SIPA1L1: variants seen among roughly 807,000 people sequenced by gnomAD.
SIPA1L1 encodes signal-induced proliferation-associated 1-like protein 1.
A neutral mutation model predicts 162.7 loss-of-function variants in SIPA1L1; 26 were observed. The ratio of observed to expected loss-of-function variants is 0.16; its 90% CI spans 0.12 to 0.22. The LOEUF (loss-of-function observed/expected upper bound fraction) is 0.22, where lower values mean the gene tolerates loss of function less well. Ranked by LOEUF, SIPA1L1 falls within the 10% of genes least tolerant of loss-of-function variation. The pLI is 1.00. For synonymous variants in SIPA1L1, 829 were observed against 837.4 expected (o/e 0.99, Z 0.17); for missense variants, 1,874 against 2,241.0 (o/e 0.84, Z 3.31).
At chr14:71,407,222 G>C (rs761793249) in intron 2 of SIPA1L1, among the ~76,000 whole-genome samples, 1 of 152,134 alleles carries the variant, frequency 6.6e-6, no homozygotes. Context: ...TCCTCACCTT[G>C]TACGATTGTG....
intron 6 of SIPA1L1, among the ~76,000 whole-genome samples, chr14:71,623,034 T>C (rs1021805918): frequency 1.7e-4 from 26 of 152,380 alleles, no homozygotes; most frequent in Non-Finnish European, 3.7e-4. Context: ...CTCTATTTCA[T>C]GGCCATTTCC....
chr14:71,379,069 A>G (rs993627209), intron 2 of SIPA1L1, among the ~76,000 whole-genome samples: 1 of 152,104 alleles, frequency 6.6e-6, no homozygotes, highest in Non-Finnish European at 1.5e-5. Context: ...TGTATCATGA[A>G]TAGATTGCTT....
chr14:71,440,122 T>A (rs2044717200), intron 2 of SIPA1L1, among the ~76,000 whole-genome samples: 1 of 152,102 alleles, frequency 6.6e-6, no homozygotes, highest in African/African-American at 2.4e-5. Flanking sequence ...GCCTCCCAGG[T>A]TGAAGCAATT....
intron 2 of SIPA1L1, among the ~76,000 whole-genome samples, chr14:71,477,690 T>G (rs1404850415): frequency 1.3e-5 from 2 of 152,176 alleles, no homozygotes; most frequent in African/African-American, 2.4e-5. Flanking sequence ...GATACTTGGT[T>G]CCTTTTAATA....
At position 71,650,407 on chromosome 14, in the gene SIPA1L1, A is replaced by G; in HGVS notation, c.1891A>G (p.Asn631Asp). Residue 631 changes from asparagine (N) to aspartate (D), a missense_variant, in exon 8 of 24, where the codon AAT becomes GAT. Around this residue, in one of 5 missense-constraint regions of SIPA1L1, gnomAD observed 685 missense variants for 828.0 expected, o/e 0.83. Coordinates refer to ENST00000381232, the MANE Select transcript of SIPA1L1 (RefSeq NM_001386936.1). ...GQSTEEEMYNNESAGPAFEEF... is the reference protein window; with the variant it reads ...GQSTEEEMYNDESAGPAFEEF... ...GAGCACTGAAGAAGAGATGTACAAC[A>G]ATGAGTCAGCTGGCCCAGCCTTTGA... is the stretch of plus-strand genomic sequence containing the variant. 1 of 1,614,202 alleles carries G rather than the reference A, an allele frequency of 6.2e-7. No homozygotes were observed. Among genetic ancestry groups the G allele is most frequent in the Non-Finnish European group, 8.5e-7 (1 of 1,179,998 alleles).
chr14:71,396,470 T>C (rs1325798979), intron 2 of SIPA1L1, among the ~76,000 whole-genome samples: 2 of 152,202 alleles, frequency 1.3e-5, no homozygotes, highest in East Asian at 3.8e-4. Context: ...TGTTTGTTCA[T>C]TTACCCTTGT....
intron 13 of SIPA1L1, among the ~76,000 whole-genome samples, chr14:71,696,233 G>A (rs1255002163): frequency 1.3e-5 from 2 of 152,170 alleles, no homozygotes; most frequent in African/African-American, 4.8e-5. Context: ...GATTGATGAT[G>A]ATAACAGGAA....
chr14:71,332,855 C>G (rs1218684267), intron 2 of SIPA1L1, among the ~76,000 whole-genome samples: 2 of 152,022 alleles, frequency 1.3e-5, no homozygotes, highest in East Asian at 3.9e-4. Context: ...TCTTTAAGAC[C>G]TACTGTAAAA....
At chr14:71,619,068 C>T (rs548839366) in intron 6 of SIPA1L1, among the ~76,000 whole-genome samples, 181 bp downstream of exon 6, 2 of 151,896 alleles carry the variant, frequency 1.3e-5, no homozygotes, top group Non-Finnish European at 2.9e-5. Flanking sequence ...ATCTGGACCT[C>T]TTCTTTTCAT....
chr14:71,530,708 C>T (rs188781979), intron 4 of SIPA1L1, among the ~76,000 whole-genome samples: 6 of 152,320 alleles, frequency 3.9e-5, no homozygotes, highest in East Asian at 1.9e-4. Flanking sequence ...ATATTTCTCT[C>T]TAACAGCAGT....
At chr14:71,692,130 C>A (rs1394892027) in intron 13 of SIPA1L1, among the ~76,000 whole-genome samples, 1 of 152,210 alleles carries the variant, frequency 6.6e-6, no homozygotes, top group Admixed American at 6.5e-5. Context: ...AACAAAAGGG[C>A]TTATTTAAGT....
chr14:71,697,216 T>C (rs536614913), intron 13 of SIPA1L1, among the ~76,000 whole-genome samples: 2 of 152,210 alleles, frequency 1.3e-5, no homozygotes, highest in African/African-American at 4.8e-5. Flanking sequence ...GTCGGGACAC[T>C]TGGACTGACC....
intron 20 of SIPA1L1, among the ~76,000 whole-genome samples, chr14:71,731,979 G>A (rs1300331397): frequency 6.6e-6 from 1 of 152,202 alleles, no homozygotes; most frequent in Non-Finnish European, 1.5e-5. Context: ...TCCCCCACAT[G>A]GAAATTCGGG....
intron 2 of SIPA1L1, among the ~76,000 whole-genome samples, chr14:71,451,480 T>G (rs1411892540): frequency 6.6e-6 from 1 of 151,032 alleles, no homozygotes; most frequent in Non-Finnish European, 1.5e-5. Flanking sequence ...CAAAAAAATT[T>G]TAAAATTACC....
intron 13 of SIPA1L1, among the ~76,000 whole-genome samples, chr14:71,693,392 G>A (rs1206594319): frequency 7.2e-5 from 11 of 152,092 alleles, no homozygotes; most frequent in Non-Finnish European, 1.5e-4. Context: ...CCAGCTACAC[G>A]GGAGGGTGAG....
chr14:71,544,215 G>GTATATATACATA (rs1209977935), intron 4 of SIPA1L1, among the ~76,000 whole-genome samples: 10 of 145,376 alleles, frequency 6.9e-5, no homozygotes, highest in African/African-American at 1.7e-4. Flanking sequence ...GCACATGCAT[G>GTATATATACATA]TGTATATACA....
At chr14:71,405,898 G>A (rs1436442852) in intron 2 of SIPA1L1, among the ~76,000 whole-genome samples, 2 of 152,316 alleles carry the variant, frequency 1.3e-5, no homozygotes, top group South Asian at 2.1e-4. Flanking sequence ...GAGGCCATGG[G>A]AACACGTTAG....
intron 2 of SIPA1L1, among the ~76,000 whole-genome samples, chr14:71,443,541 T>G (rs1311896635): frequency 6.6e-6 from 1 of 152,166 alleles, no homozygotes; most frequent in East Asian, 1.9e-4. Context: ...TTGCCAGTAT[T>G]TAATGTACTT....
chr14:71,707,863 A>G (rs867072244), intron 16 of SIPA1L1, among the ~76,000 whole-genome samples: 1 of 151,906 alleles, frequency 6.6e-6, no homozygotes, highest in Non-Finnish European at 1.5e-5. Flanking sequence ...TTACCACCCC[A>G]TTTTATATAC....
Sources: gnomAD v4.1 joint callset for allele counts (sites outside exome capture counted in the v4.1 genomes callset) on GRCh38, gnomAD v4.1.1 for gene constraint, gnomAD v4.1.1 regional missense constraint, MANE v1.5 for transcripts, NCBI Gene and HGNC (gene_info 2026-07-23, HGNC 2026-07-21) for gene names.